The following GALNT2 variants were observed in gnomAD, a reference collection of about 807,000 sequenced individuals.
GALNT2 encodes the protein UDP-GalNAc:polypeptide N-acetylgalactosaminyltransferase 2.
GALNT2 carries 31 observed loss-of-function variants against 81.4 expected under a neutral mutation model. That is an observed-to-expected ratio of 0.38 (90% CI 0.29 to 0.51). The LOEUF (loss-of-function observed/expected upper bound fraction) is 0.51. GALNT2 is among the 20% of genes least tolerant of loss of function. GALNT2 has a pLI of 0.87. For synonymous variants in GALNT2, 303 were observed against 287.4 expected (o/e 1.05, Z -0.55); for missense variants, 629 against 765.7 (o/e 0.82, Z 2.11).
chr1:230,121,066 G>A (rs904689255), intron 1 of GALNT2, among the ~76,000 whole-genome samples: 10 of 152,312 alleles, frequency 6.6e-5, no homozygotes, highest in African/African-American at 9.6e-5. Context: ...TGCTGGCCAC[G>A]TACCCTTTCC....
intron 3 of GALNT2, among the ~76,000 whole-genome samples, chr1:230,233,627 AC>A (rs1449093641): frequency 1.3e-5 from 2 of 152,092 alleles, no homozygotes; most frequent in African/African-American, 4.8e-5. Flanking sequence ...AGAAAAAAAA[AC>A]CTACAGAATA....
At chr1:230,183,231 T>G (rs1663215519) in intron 2 of GALNT2, among the ~76,000 whole-genome samples, 1 of 152,264 alleles carries the variant, frequency 6.6e-6, no homozygotes, top group African/African-American at 2.4e-5. Context: ...TCTCACAATC[T>G]TGGTATTTTC....
intron 1 of GALNT2, among the ~76,000 whole-genome samples, chr1:230,085,216 A>C (rs1461857864): frequency 3.3e-5 from 5 of 152,152 alleles, no homozygotes; most frequent in Admixed American, 2.0e-4. Context: ...GCATACCCTG[A>C]CAGTGACCCT....
At chr1:230,183,038 A>G (rs146851727) in intron 2 of GALNT2, among the ~76,000 whole-genome samples, 9 of 152,308 alleles carry the variant, frequency 5.9e-5, no homozygotes, top group East Asian at 1.9e-4. Flanking sequence ...CCTATGATCT[A>G]AAGTCTACAT....
intron 1 of GALNT2, among the ~76,000 whole-genome samples, chr1:230,061,194 G>A (rs916943029): frequency 4.7e-4 from 8 of 17,088 alleles, no homozygotes; most frequent in African/African-American, 6.8e-4. Context: ...GAGCATAGAT[G>A]TGTGTGTGTG....
chr1:230,188,502 C>T (rs1229061415), intron 2 of GALNT2, among the ~76,000 whole-genome samples: 1 of 152,202 alleles, frequency 6.6e-6, no homozygotes, highest in Non-Finnish European at 1.5e-5. Context: ...TTTTGTTTTC[C>T]TTGTCTGTAA....
chr1:230,237,333 A>G (rs1294177867), intron 6 of GALNT2, among the ~76,000 whole-genome samples: 1 of 152,240 alleles, frequency 6.6e-6, no homozygotes, highest in East Asian at 1.9e-4. Context: ...TGTAATTAAC[A>G]TCCAGTGTGT....
chr1:230,089,153 T>TC (rs1288984027), intron 1 of GALNT2, among the ~76,000 whole-genome samples: 1 of 146,952 alleles, frequency 6.8e-6, no homozygotes, highest in Admixed American at 6.8e-5. Flanking sequence ...CTTTCTTTCT[T>TC]TTTTTTTTTT....
chr1:230,092,185 T>TGTTTTTTTGTTTTTG (rs371156205), intron 1 of GALNT2, among the ~76,000 whole-genome samples: 21 of 114,280 alleles, frequency 1.8e-4, no homozygotes, highest in African/African-American at 6.2e-4. Flanking sequence ...AGTTTTTTTT[T>TGTTTTTTTGTTTTTG]TTTTTTTTTT....
At chr1:230,058,983 G>C (rs552190729) in intron 1 of GALNT2, among the ~76,000 whole-genome samples, 44 of 152,294 alleles carry the variant, frequency 2.9e-4, no homozygotes, top group African/African-American at 1.0e-3. Context: ...AGTTTGGTGG[G>C]AGGGGCGTGC....
intron 1 of GALNT2, among the ~76,000 whole-genome samples, chr1:230,123,295 A>C (rs1571988016): frequency 6.6e-6 from 1 of 152,258 alleles, no homozygotes; most frequent in Middle Eastern, 3.4e-3. Flanking sequence ...TTTCCAAAAA[A>C]CAAATGTGCT....
chr1:230,091,972 T>C (rs1660098241), intron 1 of GALNT2: 1 of 152,238 alleles, frequency 6.6e-6, no homozygotes, highest in South Asian at 2.1e-4. Context: ...TTCTACCCAG[T>C]TACCTGGTTA....
chr1:230,169,125 A>G (rs970333631), intron 1 of GALNT2, among the ~76,000 whole-genome samples: 4 of 152,228 alleles, frequency 2.6e-5, no homozygotes, highest in African/African-American at 9.7e-5. Flanking sequence ...TAAAATATGC[A>G]TAAATTTGTA....
At chr1:230,112,797 G>T (rs2102791635) in intron 1 of GALNT2, among the ~76,000 whole-genome samples, 1 of 151,312 alleles carries the variant, frequency 6.6e-6, no homozygotes, top group Non-Finnish European at 1.5e-5. Context: ...TGTGGCAGGG[G>T]GGTGGGGGGG....
rs370503325 is a variant in GALNT2 at position 230,241,488 on chromosome 1, T to C, written c.608-1818T>C. On this transcript the variant is annotated intron_variant, in intron 6 of 15. Transcript: ENST00000366672. ...TGTGACAGCGTTTCTCTCTTGTTGC[T>C]CAGGCTGGAGTGCAGTGGTGTGATC... 2.5e-3 allele frequency among the ~76,000 whole-genome samples: 378 copies of C among 152,136 alleles called. 4 individuals are homozygous for C. The South Asian group carries it at 0.038, about 15-fold the overall frequency.
chr1:230,118,812 C>T (rs1273980440), intron 1 of GALNT2, among the ~76,000 whole-genome samples: 2 of 151,944 alleles, frequency 1.3e-5, no homozygotes, highest in East Asian at 3.9e-4. Flanking sequence ...ATCCTACTAG[C>T]CCAATTAAAA....
rs199843562 is a variant in GALNT2 at position 230,203,294 on chromosome 1, A to C, written c.374+4A>C. ...TCCCTGACACCCGGCATGACCAGTA[A>C]GTACCCCACTAAGCACCTGCTGCAG... is the stretch of plus-strand genomic sequence containing the variant. On this transcript the variant is annotated splice_donor_region_variant and intron_variant, in intron 3 of 15. Transcript: ENST00000366672. 29 of 1,613,526 alleles carry C rather than the reference A, an allele frequency of 1.8e-5. No individual in the cohort carries two copies. Among genetic ancestry groups the C allele is most frequent in the Middle Eastern group, 1.6e-4 (1 of 6,082 alleles).
At chr1:230,262,198 C>G (rs1019024547) in intron 11 of GALNT2, 9 of 188,844 alleles carry the variant, frequency 4.8e-5, no homozygotes, top group Admixed American at 5.7e-5. Context: ...GGCCCCGGCC[C>G]TCTGTGGACG....
chr1:230,085,227 G>C (rs149533781), intron 1 of GALNT2, among the ~76,000 whole-genome samples: 28 of 152,324 alleles, frequency 1.8e-4, no homozygotes, highest in African/African-American at 6.3e-4. Flanking sequence ...CAGTGACCCT[G>C]TGGGGCAGAC....
Sources: gnomAD v4.1 joint callset for allele counts (sites outside exome capture counted in the v4.1 genomes callset) on GRCh38, gnomAD v4.1.1 for gene constraint, MANE v1.5 for transcripts, NCBI Gene and HGNC (gene_info 2026-07-23, HGNC 2026-07-21) for gene names.